LRFN2: variants seen among roughly 807,000 people sequenced by gnomAD.
LRFN2 encodes the protein leucine-rich repeat and fibronectin type-III domain-containing protein 2.
In LRFN2, 18 loss-of-function variants were observed where a neutral mutation model predicts 37.3. That is an observed-to-expected ratio of 0.48 (90% confidence interval 0.33 to 0.72). The LOEUF is 0.72. Among genes scored for constraint, LRFN2 ranks in the 30% least tolerant of loss-of-function variants. The pLI is 0.02. For synonymous variants in LRFN2, 556 were observed against 466.6 expected, an observed-to-expected ratio of 1.19 and a Z score of -2.47; for missense variants, 1,006 against 1,060.7, an observed-to-expected ratio of 0.95 and a Z score of 0.72.
intron 1 of LRFN2, among the ~76,000 whole-genome samples, chr6:40,459,512 A>G (rs1211552872): frequency 6.6e-6 from 1 of 152,152 alleles, no homozygotes; most frequent in Non-Finnish European, 1.5e-5. Flanking sequence ...TTTGCTGTGG[A>G]CTTCTCTCCA....
At chr6:40,437,933 G>A (rs1383842020) in intron 1 of LRFN2, among the ~76,000 whole-genome samples, 1 of 152,184 alleles carries the variant, frequency 6.6e-6, no homozygotes, top group African/African-American at 2.4e-5. Context: ...TTAGGGAAAA[G>A]GGCTAGGACA....
rs190976874 is a variant in LRFN2 at position 40,444,924 on chromosome 6, G to A, written c.-18-11793C>T. Among the ~76,000 whole-genome samples the A allele has an allele frequency of 3.3e-5, 5 of 150,422 alleles. No individual in the cohort carries two copies. In the East Asian group the frequency reaches 9.8e-4, roughly 29 times the overall value. ...ATGATTTTTTTTTTTATTACCTCCA[G>A]TCTCCTCCCTGTTGACTTTGTTTGC... On this transcript the variant is annotated intron_variant, in intron 1 of 2. Transcript: ENST00000338305.
At chr6:40,555,371 CCCT>C (rs1766852571) in intron 1 of LRFN2, among the ~76,000 whole-genome samples, 1 of 152,134 alleles carries the variant, frequency 6.6e-6, no homozygotes, top group South Asian at 2.1e-4. Context: ...GGTGAGGAGA[CCCT>C]CCTCCTCCTC....
intron 2 of LRFN2, among the ~76,000 whole-genome samples, chr6:40,415,559 C>T (rs1330240542): frequency 6.6e-6 from 1 of 152,194 alleles, no homozygotes; most frequent in African/African-American, 2.4e-5. Flanking sequence ...TCACCTCTTC[C>T]AGGAAGCCTT....
intron 1 of LRFN2, among the ~76,000 whole-genome samples, chr6:40,584,128 T>C (rs917985743): frequency 1.3e-5 from 2 of 152,182 alleles, no homozygotes; most frequent in Non-Finnish European, 2.9e-5. Flanking sequence ...TCTGATGGCA[T>C]CAAACCCTCC....
intron 2 of LRFN2, among the ~76,000 whole-genome samples, chr6:40,413,170 C>T (rs1185454526): frequency 6.6e-6 from 1 of 152,182 alleles, no homozygotes; most frequent in Non-Finnish European, 1.5e-5. Context: ...TTTACCGCTG[C>T]CTTTATTCAT....
intron 1 of LRFN2, among the ~76,000 whole-genome samples, chr6:40,571,231 G>A (rs1767181035): frequency 6.6e-6 from 1 of 152,238 alleles, no homozygotes; most frequent in Non-Finnish European, 1.5e-5. Context: ...CCTAGCAGCT[G>A]ACCAATACTA....
intron 2 of LRFN2, among the ~76,000 whole-genome samples, chr6:40,404,931 C>T (rs938074069): frequency 6.6e-6 from 1 of 152,204 alleles, no homozygotes; most frequent in African/African-American, 2.4e-5. Context: ...CTAGCTCAAG[C>T]TTATCTGCCC....
At chr6:40,536,614 G>T (rs1766453531) in intron 1 of LRFN2, among the ~76,000 whole-genome samples, 1 of 152,172 alleles carries the variant, frequency 6.6e-6, no homozygotes, top group South Asian at 2.1e-4. Context: ...CAACCACTAG[G>T]AGGTGCAGCT....
chr6:40,443,384 A>G (rs936980365), intron 1 of LRFN2, among the ~76,000 whole-genome samples: 3 of 152,208 alleles, frequency 2.0e-5, no homozygotes, highest in African/African-American at 7.2e-5. Flanking sequence ...GCCCTAACTC[A>G]CATGCATTAG....
In LRFN2 at chr6:40,471,043, G is replaced by C. The variant is rs111531144; in HGVS notation, c.-18-37912C>G. On this transcript the variant is annotated intron_variant, in intron 1 of 2. Transcript: ENST00000338305. ...ATCGGGGTGTGTCCAGCTGGTCTGG[G>C]CCTGATAGGTGAGGGGCGTGGGGGG... 2.8e-3 allele frequency among the ~76,000 whole-genome samples: 419 copies of C among 152,312 alleles called. 2 individuals are homozygous for C. The highest frequency in any genetic ancestry group is 9.0e-3 in the African/African-American group (376 of 41,564).
chr6:40,489,087 T>C lies in LRFN2; in HGVS notation c.-18-55956A>G, dbSNP rs553845074. Reference sequence around the variant, plus strand: ...ATTTACCAAACACCTCTCTCACACCTGTCTATACCATAGGCACACATACAC... The same window carrying C: ...ATTTACCAAACACCTCTCTCACACCCGTCTATACCATAGGCACACATACAC... On this transcript the variant is annotated intron_variant, in intron 1 of 2. Coordinates refer to ENST00000338305, the MANE Select transcript of LRFN2 (RefSeq NM_020737.3). 2.6e-5 allele frequency among the ~76,000 whole-genome samples: 4 copies of C among 152,280 alleles called. No individual in the cohort carries two copies. The South Asian group carries it at 8.3e-4, about 32-fold the overall frequency.
chr6:40,548,675 G>C (rs1313738471), intron 1 of LRFN2, among the ~76,000 whole-genome samples: 1 of 152,196 alleles, frequency 6.6e-6, no homozygotes, highest in East Asian at 1.9e-4. Context: ...CAGTGATTGA[G>C]AGGAATATAT....
intron 1 of LRFN2, among the ~76,000 whole-genome samples, chr6:40,573,085 G>A (rs143113969): frequency 6.6e-6 from 1 of 152,236 alleles, no homozygotes; most frequent in Admixed American, 6.5e-5. Flanking sequence ...GAAAACAAGA[G>A]TGAGAAGCAT....
At chr6:40,487,940 C>A (rs1180299806) in intron 1 of LRFN2, among the ~76,000 whole-genome samples, 2 of 152,172 alleles carry the variant, frequency 1.3e-5, no homozygotes, top group Non-Finnish European at 2.9e-5. Context: ...GGGGTGGAAG[C>A]CCCAGACTCC....
intron 1 of LRFN2, among the ~76,000 whole-genome samples, chr6:40,563,122 C>T (rs1767030234): frequency 6.6e-6 from 1 of 152,166 alleles, no homozygotes; most frequent in Non-Finnish European, 1.5e-5. Context: ...TGACAGGTGG[C>T]TTGAGGGACT....
intron 2 of LRFN2, among the ~76,000 whole-genome samples, chr6:40,418,683 C>T (rs191632081): frequency 2.0e-5 from 3 of 152,336 alleles, no homozygotes; most frequent in African/African-American, 4.8e-5. Flanking sequence ...GCTCCCCTGC[C>T]TCCAAGCTGT....
At chr6:40,468,096 C>T (rs1310490460) in intron 1 of LRFN2, among the ~76,000 whole-genome samples, 1 of 152,142 alleles carries the variant, frequency 6.6e-6, no homozygotes, top group East Asian at 1.9e-4. Context: ...TCATTAATTC[C>T]ATACTTGGTT....
At chr6:40,485,087 C>A (rs1764922912) in intron 1 of LRFN2, among the ~76,000 whole-genome samples, 1 of 152,220 alleles carries the variant, frequency 6.6e-6, no homozygotes, top group Admixed American at 6.5e-5. Flanking sequence ...CATTAACCTA[C>A]TTCCTCTTTG....
Sources: gnomAD v4.1 joint callset for allele counts (sites outside exome capture counted in the v4.1 genomes callset) on GRCh38, gnomAD v4.1.1 for gene constraint, MANE v1.5 for transcripts, NCBI Gene and HGNC (gene_info 2026-07-23, HGNC 2026-07-21) for gene names.